The following CEP290 variants were observed in gnomAD, a reference collection of about 807,000 sequenced individuals.
CEP290 encodes the protein centrosomal protein of 290 kDa.
A neutral mutation model predicts 344.9 loss-of-function variants in CEP290; 317 were observed. The ratio of observed to expected loss-of-function variants is 0.92; its 90% CI spans 0.84 to 1.01. CEP290 has a LOEUF of 1.01. CEP290 is among the 50% of genes least tolerant of loss of function. CEP290 has a pLI of 0.00. For synonymous variants in CEP290, 932 were observed against 895.8 expected (o/e 1.04, Z -0.72); for missense variants, 2,754 against 2,761.4 (o/e 1.00, Z 0.06).
chr12:88,103,091 A>G (rs1292122959), intron 25 of CEP290, 80 bp from the exon 26 acceptor site: 8 of 842,722 alleles, frequency 9.5e-6, no homozygotes, highest in Non-Finnish European at 6.8e-6. Context: ...GAAAGATAAT[A>G]CAACTTAAAG....
chr12:88,133,019 T>A (rs543492222), intron 6 of CEP290, among the ~76,000 whole-genome samples: 1 of 152,004 alleles, frequency 6.6e-6, no homozygotes, highest in South Asian at 2.1e-4. Flanking sequence ...TTGCTGAGGA[T>A]AATGGCTTCC....
intron 41 of CEP290, 105 bp from the exon 42 acceptor site, chr12:88,072,031 C>G (rs1365262290): frequency 9.7e-7 from 1 of 1,034,652 alleles, no homozygotes; most frequent in African/African-American, 1.7e-5. Context: ...ACTAATATTT[C>G]CTAGAGAATA....
chr12:88,072,925 T>C (rs1025426376), intron 41 of CEP290, among the ~76,000 whole-genome samples: 3 of 152,114 alleles, frequency 2.0e-5, no homozygotes, highest in Non-Finnish European at 2.9e-5. Flanking sequence ...TAGCTAGTTT[T>C]AAGTGCTAAA....
chr12:88,049,317 T>G lies in CEP290; in HGVS notation c.7307A>C (p.Lys2436Thr), dbSNP rs778857943. 1 of 1,592,136 alleles carries G rather than the reference T, an allele frequency of 6.3e-7. No homozygotes were observed. ...CTTCTCTTCTAAGAGAATATTCTTC[T>G]TCACTTCTTCCTTGTAATTATACTT... is the stretch of plus-strand genomic sequence containing the variant. ...DLKYNYKEEVKKNILLEEKVK... is the reference protein window; with the variant it reads ...DLKYNYKEEVTKNILLEEKVK... The change falls in exon 54 of 54, where the codon AAG becomes ACG. Residue 2436 changes from lysine to threonine, a missense_variant. Physicochemically the swap from Lys to Thr is moderately conservative, Grantham distance 78 (BLOSUM62 -1). Coordinates refer to ENST00000552810, the MANE Select transcript of CEP290 (RefSeq NM_025114.4).
intron 25 of CEP290, chr12:88,104,317 T>C (rs1389119171): frequency 1.3e-5 from 2 of 152,036 alleles, no homozygotes; most frequent in African/African-American, 4.8e-5. Context: ...TGTCCAAATT[T>C]AGTCATGAAC....
In CEP290 at chr12:88,089,505, A is replaced by T; in HGVS notation, c.3574-18T>A. On this transcript the variant is annotated intron_variant, in intron 30 of 53. Transcript: ENST00000552810. ...GACTGTGCCTGATATTAAAAAAAAT[A>T]TATATTTGTAGTAAGTTTCAAATTT... is the stretch of plus-strand genomic sequence containing the variant. The T allele has an allele frequency of 7.2e-7, 1 of 1,394,336 alleles. No individual in the cohort carries two copies. The highest frequency in any genetic ancestry group is 1.5e-5 in the African/African-American group (1 of 68,636). The allele number at this position is 1,394,336 out of a possible 1,614,324, so 86.4% of individuals were successfully genotyped here.
At position 88,087,872 on chromosome 12, in the gene CEP290, C is replaced by T. The variant is rs184143186; in HGVS notation, c.4102G>A (p.Asp1368Asn). 2.7e-4 allele frequency: 330 copies of T among 1,239,458 alleles called. No homozygotes were observed. The African/African-American group carries it at 4.7e-3, about 18-fold the overall frequency. The allele number at this position is 1,239,458 out of a possible 1,614,324, so 76.8% of individuals were successfully genotyped here. ...TTCAAATATTTTATTTCTTCTTTAT[C>T]CTTGACTAATTCCCGATTTAGTTTA... ...ELKLNRELVK[D>N]KEEIKYLNNI... The change falls in exon 32 of 54, where the codon GAT becomes AAT. Residue 1368 changes from aspartate (D) to asparagine (N), a missense_variant. Asp to Asn is a conservative substitution (Grantham distance 23). Transcript: ENST00000552810.
intron 42 of CEP290, 69 bp downstream of exon 42, chr12:88,071,712 A>G: frequency 8.4e-7 from 1 of 1,196,054 alleles, no homozygotes; most frequent in Non-Finnish European, 1.2e-6. Context: ...ACTATGATAA[A>G]GCTATATAAT....
Position 88,068,600 on chromosome 12 carries a change from A to G in CEP290, c.6057T>C (p.His2019=), listed in dbSNP as rs747208451. The G allele has an allele frequency of 3.1e-6, 5 of 1,592,468 alleles. 1 individual carries two copies. In the South Asian group the frequency reaches 5.9e-5, roughly 19 times the overall value. The change falls in exon 44 of 54, where the codon CAT becomes CAC. Residue 2019 remains histidine (H), a synonymous_variant. Transcript: ENST00000552810. ...TTTCTTGGAGGTATCTATTTTGTAA[A>G]TGTAAATCTTCTACAACAGAATCTC... ...LPRDSVVEDL[H]LQNRYLQEKL...
chr12:88,118,596 T>C, intron 16 of CEP290, 26 bp from the exon 17 acceptor site: 3 of 1,610,098 alleles, frequency 1.9e-6, no homozygotes, highest in Non-Finnish European at 2.5e-6. Flanking sequence ...TATTAGTATT[T>C]CTCTATAGTT....
Position 88,059,999 on chromosome 12 carries a change from C to G in CEP290, c.6544G>C (p.Ala2182Pro). Residue 2182 changes from alanine (A) to proline (P), a missense_variant, in exon 48 of 54, where the codon GCT (alanine) becomes CCT (proline). Ala to Pro is a conservative substitution (Grantham distance 27). Coordinates refer to ENST00000552810, the MANE Select transcript of CEP290 (RefSeq NM_025114.4). ...KLKAELEKLK[A>P]HLGHQLSMHY... ...ATGCTCAACTGATGCCCAAGATGAG[C>G]TTTAAGTTTTTCTAATTCAGCCTAG... 1 of 1,561,478 alleles carries G rather than the reference C, an allele frequency of 6.4e-7. No individual in the cohort carries two copies. Among genetic ancestry groups the G allele is most frequent in the Non-Finnish European group, 8.6e-7 (1 of 1,156,324 alleles).
intron 40 of CEP290, 34 bp from the exon 41 acceptor site, chr12:88,077,378 A>G: frequency 7.6e-7 from 1 of 1,313,282 alleles, no homozygotes. Flanking sequence ...TATTTTTACA[A>G]ATAAATGTAA....
intron 44 of CEP290, among the ~76,000 whole-genome samples, chr12:88,066,382 C>T (rs2034929690): frequency 6.6e-6 from 1 of 151,856 alleles, no homozygotes. Flanking sequence ...TCACTATAAC[C>T]TCAAACTCCT....
chr12:88,129,571 T>C lies in CEP290; in HGVS notation c.852+123A>G, dbSNP rs2039942186. ...ACAAATATACCAACATGACAAGATATTACACTATTAAAAAGACAGACAAAA... is the reference window on the plus strand; with the variant it reads ...ACAAATATACCAACATGACAAGATACTACACTATTAAAAAGACAGACAAAA... On this transcript the variant is annotated intron_variant, in intron 10 of 53. Coordinates refer to ENST00000552810, the MANE Select transcript of CEP290 (RefSeq NM_025114.4). 6.5e-5 allele frequency: 38 copies of C among 583,460 alleles called. No homozygotes were observed. In the South Asian group the frequency reaches 8.5e-4, roughly 13 times the overall value. 36.1% of individuals were successfully genotyped at this position (583,460 alleles called of 1,614,324 possible).
At chr12:88,083,742 G>T (rs1281991069) in intron 36 of CEP290, 105 bp downstream of exon 36, 15 of 722,408 alleles carry the variant, frequency 2.1e-5, no homozygotes, top group Non-Finnish European at 3.3e-5. Context: ...GATTATTTTG[G>T]CAACAAAAAG....
intron 6 of CEP290, among the ~76,000 whole-genome samples, chr12:88,134,066 A>G (rs559261481): frequency 1.3e-5 from 2 of 152,282 alleles, no homozygotes; most frequent in African/African-American, 4.8e-5. Flanking sequence ...ATAAATCCTC[A>G]TCATCTGTAC....
chr12:88,085,931 C>T, intron 34 of CEP290, 108 bp downstream of exon 34: 1 of 975,532 alleles, frequency 1.0e-6, no homozygotes, highest in Non-Finnish European at 1.5e-6. Context: ...GTGAAATTAG[C>T]AATAGATTCA....
At chr12:88,070,492 T>C (rs1057032902) in intron 43 of CEP290, among the ~76,000 whole-genome samples, 10 of 152,176 alleles carry the variant, frequency 6.6e-5, no homozygotes, top group African/African-American at 1.9e-4. Flanking sequence ...TTTTCTTCTA[T>C]CTGTTCTTTC....
rs1421825085 is a variant in CEP290 at position 88,111,942 on chromosome 12, G to T, written c.2053-84C>A. 5.2e-6 allele frequency: 5 copies of T among 963,072 alleles called. No individual in the cohort carries two copies. The East Asian group carries it at 1.3e-4, about 24-fold the overall frequency. The allele number at this position is 963,072 out of a possible 1,614,324, so 59.7% of individuals were successfully genotyped here. A position where few individuals can be genotyped will look rare whatever the true frequency, so the allele number is the denominator to read the frequency against. Reference sequence around the variant, plus strand: ...AAACAGTCTGTCTTTAAATAAAATGGACATTTAAGCATTTTCCTATTTTCA... The same window carrying T: ...AAACAGTCTGTCTTTAAATAAAATGTACATTTAAGCATTTTCCTATTTTCA... On this transcript the variant is annotated intron_variant, in intron 20 of 53. Transcript: ENST00000552810.
Sources: gnomAD v4.1 joint callset for allele counts (sites outside exome capture counted in the v4.1 genomes callset) on GRCh38, gnomAD v4.1.1 for gene constraint, MANE v1.5 for transcripts, NCBI Gene and HGNC (gene_info 2026-07-23, HGNC 2026-07-21) for gene names.